Variants in TTC3 observed in about 807,000 individuals in gnomAD.
The protein encoded by TTC3 is tetratricopeptide repeat domain 3, also known as E3 ubiquitin-protein ligase TTC3.
In TTC3, 180 loss-of-function variants were observed where a neutral mutation model predicts 249.6. The ratio of observed to expected loss-of-function variants is 0.72; its 90% confidence interval spans 0.64 to 0.82. The LOEUF is 0.82. Among genes scored for constraint, TTC3 ranks in the 40% least tolerant of loss-of-function variants. TTC3 has a pLI of 0.00. For missense variants in TTC3, 2,061 were observed against 2,398.4 expected (o/e 0.86, Z 2.94); for synonymous variants, 717 against 805.0 (o/e 0.89, Z 1.85).
intron 35 of TTC3, among the ~76,000 whole-genome samples, chr21:37,175,263 CAAAAAAAA>C (rs58424565): frequency 1.9e-5 from 1 of 54,020 alleles, no homozygotes; most frequent in African/African-American, 6.8e-5. Context: ...GACTGTGTCT[CAAAAAAAA>C]AAAAAAAAAA....
chr21:37,090,085 GGGGTAACTT>G, intron 5 of TTC3, 139 bp from the exon 6 acceptor site: 1 of 526,488 alleles, frequency 1.9e-6, no homozygotes, highest in Non-Finnish European at 3.3e-6. Flanking sequence ...AAGATCTTAA[GGGGTAACTT>G]GGTCATGTAA....
At chr21:37,134,768 G>A (rs553928664) in intron 17 of TTC3, among the ~76,000 whole-genome samples, 1 of 152,190 alleles carries the variant, frequency 6.6e-6, no homozygotes, top group African/African-American at 2.4e-5. Flanking sequence ...CACTTTAAGG[G>A]CACATGATAG....
intron 7 of TTC3, chr21:37,093,402 A>AG (rs35477869): frequency 0.33 from 40,625 of 124,500 alleles, 7,818 homozygotes; most frequent in Non-Finnish European, 0.4. Flanking sequence ...AAAAAAAAAA[A>AG]GGAAATGCTC....
intron 13 of TTC3, among the ~76,000 whole-genome samples, chr21:37,123,744 AT>A (rs575866108): frequency 2.0e-3 from 296 of 145,064 alleles, no homozygotes; most frequent in Middle Eastern, 3.7e-3. Context: ...GGTCATAGGT[AT>A]TTTTTTTTTT....
chr21:37,124,112 C>CTTTTTT (rs60916518), intron 13 of TTC3, among the ~76,000 whole-genome samples: 5,731 of 61,210 alleles, frequency 0.094, 1,752 homozygotes, highest in African/African-American at 0.13. Flanking sequence ...TTGAACTGTT[C>CTTTTTT]TTTTTTTTTT....
chr21:37,152,291 CAT>C (rs1390574951), intron 26 of TTC3, among the ~76,000 whole-genome samples: 2 of 151,676 alleles, frequency 1.3e-5, no homozygotes, highest in South Asian at 2.1e-4. Context: ...AATGACTAAA[CAT>C]ATTTATTGTA....
Position 37,195,918 on chromosome 21 carries a change from G to T in TTC3, c.5461G>T (p.Val1821Leu), listed in dbSNP as rs1049629730. 4 of 1,614,100 alleles carry T rather than the reference G, an allele frequency of 2.5e-6. No individual in the cohort carries two copies. The South Asian group carries it at 4.4e-5, about 18-fold the overall frequency. ...GGCAGCTCTGTCAGAACGAAGCCCT[G>T]TGGCTGATCGGAAGCAGCCTGTTCC... Residue 1821 changes from valine to leucine, a missense_variant, in exon 42 of 46, where the codon GTG becomes TTG. By Grantham distance (32) the Val-to-Leu change is conservative. Coordinates refer to ENST00000355666, the Ensembl canonical transcript of TTC3.
exon 42 of TTC3, chr21:37,195,874 G>T: frequency 6.2e-7 from 1 of 1,614,240 alleles, no homozygotes; most frequent in South Asian, 1.1e-5. Context: ...CAGCTGACAG[G>T]GCCAAAACGG....
Position 37,140,663 on chromosome 21 carries a change from A to C in TTC3, c.1762A>C (p.Lys588Gln), listed in dbSNP as rs750991290. The C allele has an allele frequency of 4.4e-6, 7 of 1,600,200 alleles. No homozygotes were observed. The Middle Eastern group carries it at 8.3e-4, about 190-fold the overall frequency. ...CTGTGGAATTGGAAAAGTATATTTG[A>C]AAAAAAACAGGTTAGTAGAAATGAC... The change falls in exon 20 of 46, where the codon AAA (lysine) becomes CAA (glutamine). Residue 588 changes from lysine to glutamine, a missense_variant. By Grantham distance (53) the Lys-to-Gln change is moderately conservative (BLOSUM62 1). This residue lies in a region of TTC3 where 989 missense variants were observed against 1,145.1 expected (regional missense o/e 0.86). Transcript: ENST00000355666.
intron 28 of TTC3, chr21:37,158,271 A>G: frequency 1.1e-6 from 1 of 939,044 alleles, no homozygotes; most frequent in African/African-American, 1.8e-5. Flanking sequence ...AAAACAAGAC[A>G]ACTAAAAAGG....
chr21:37,151,008 G>GT (rs2079415759), intron 25 of TTC3, 124 bp downstream of exon 25: 7 of 570,960 alleles, frequency 1.2e-5, no homozygotes, highest in Non-Finnish European at 1.2e-5. Context: ...TCAAATAAGT[G>GT]TTTTTTAAAA....
chr21:37,102,462 G>T (rs573254656), intron 10 of TTC3, among the ~76,000 whole-genome samples: 1 of 152,226 alleles, frequency 6.6e-6, no homozygotes, highest in Non-Finnish European at 1.5e-5. Flanking sequence ...GGATGGAAAA[G>T]ACAGGCAAAT....
chr21:37,128,208 C>G (rs577089739), intron 15 of TTC3, among the ~76,000 whole-genome samples: 2 of 152,312 alleles, frequency 1.3e-5, no homozygotes, highest in South Asian at 2.1e-4. Context: ...CTGTGCCCTC[C>G]CCTTAAACCT....
chr21:37,145,922 G>A (rs1422509313), intron 21 of TTC3, among the ~76,000 whole-genome samples: 3 of 152,180 alleles, frequency 2.0e-5, no homozygotes, highest in Non-Finnish European at 4.4e-5. Context: ...CTCCCACTGT[G>A]CCTCACCTCC....
chr21:37,101,866 C>T (rs1239282602), intron 10 of TTC3, among the ~76,000 whole-genome samples: 1 of 150,224 alleles, frequency 6.7e-6, no homozygotes, highest in East Asian at 1.9e-4. Flanking sequence ...CAGTGTTTTA[C>T]TGAATGGATT....
rs756408067 is a variant in TTC3 at position 37,197,866 on chromosome 21, CCT to C, written c.5707-15_5707-14del. ...TCCCTCTTGTCCCCTCCCCGCCACCCCTGTTATTTTCGCAGCCAAACCCAGGA... is the reference window on the plus strand; with the variant it reads ...TCCCTCTTGTCCCCTCCCCGCCACCCGTTATTTTCGCAGCCAAACCCAGGA... On this transcript the variant is annotated splice_polypyrimidine_tract_variant and intron_variant, in intron 43 of 45. Coordinates refer to ENST00000355666, the Ensembl canonical transcript of TTC3. 1.8e-5 allele frequency: 29 copies of C among 1,610,024 alleles called. No individual in the cohort carries two copies. The highest frequency in any genetic ancestry group is 2.5e-5 in the Non-Finnish European group (29 of 1,178,772).
chr21:37,088,975 G>A, intron 5 of TTC3, 89 bp downstream of exon 5: 2 of 1,137,774 alleles, frequency 1.8e-6, no homozygotes, highest in South Asian at 1.4e-5. Context: ...CTAATTTATA[G>A]CAATTAACAG....
At position 37,149,866 on chromosome 21, in the gene TTC3, G is replaced by A. The variant is rs77152167; in HGVS notation, c.2119-212G>A. 2.5e-3 allele frequency among the ~76,000 whole-genome samples: 378 copies of A among 152,284 alleles called. 2 individuals are homozygous for A. Among genetic ancestry groups the A allele is most frequent in the African/African-American group, 8.6e-3 (358 of 41,562 alleles). On this transcript the variant is annotated intron_variant, in intron 23 of 45. Transcript: ENST00000355666. ...GGTCACTTTGCATTGATGAAAACAA[G>A]TCACATGGTCAGACCCACACCTGAA...
At chr21:37,176,013 C>T (rs979687270) in intron 35 of TTC3, among the ~76,000 whole-genome samples, 6 of 152,110 alleles carry the variant, frequency 3.9e-5, no homozygotes, top group Non-Finnish European at 8.8e-5. Flanking sequence ...TCCTGTGATC[C>T]TCCCACCTCG....
Sources: gnomAD v4.1 joint callset for allele counts (sites outside exome capture counted in the v4.1 genomes callset) on GRCh38, gnomAD v4.1.1 for gene constraint, gnomAD v4.1.1 regional missense constraint, MANE v1.5 for transcripts, NCBI Gene and HGNC (gene_info 2026-07-23, HGNC 2026-07-21) for gene names.